RBFOX1: variants seen among roughly 807,000 people sequenced by gnomAD.
The protein encoded by RBFOX1 is RNA binding fox-1 homolog 1, also known as RNA binding protein fox-1 homolog 1.
RBFOX1 carries 8 observed loss-of-function variants against 57.7 expected under a neutral mutation model. That is an observed-to-expected ratio of 0.14 (90% CI 0.08 to 0.25). RBFOX1 has a LOEUF of 0.25. Among genes scored for constraint, RBFOX1 ranks in the 10% least tolerant of loss-of-function variants. The pLI is 1.00. For synonymous variants in RBFOX1, 326 were observed against 222.4 expected, an observed-to-expected ratio of 1.47 and a Z score of -4.15; for missense variants, 611 against 548.5, an observed-to-expected ratio of 1.11 and a Z score of -1.14.
intron 4 of RBFOX1, among the ~76,000 whole-genome samples, chr16:7,159,588 T>C (rs1247286940): frequency 6.6e-6 from 1 of 152,134 alleles, no homozygotes. Flanking sequence ...TTTTCAGTGA[T>C]CTCTCTACTC....
intron 2 of RBFOX1, among the ~76,000 whole-genome samples, chr16:6,460,856 A>C (rs1463446637): frequency 6.6e-6 from 1 of 152,030 alleles, no homozygotes; most frequent in Non-Finnish European, 1.5e-5. Context: ...AATCAACCTA[A>C]ATGCCCATCA....
intron 1 of RBFOX1, among the ~76,000 whole-genome samples, chr16:6,028,509 TAAAAAAAAAAA>T (rs36218292): frequency 8.6e-5 from 9 of 104,520 alleles, no homozygotes; most frequent in African/African-American, 3.1e-4. Context: ...CTGTCTCTGT[TAAAAAAAAAAA>T]AAAAAAAAAA....
At chr16:7,561,993 A>G (rs564029782) in intron 5 of RBFOX1, among the ~76,000 whole-genome samples, 2 of 152,310 alleles carry the variant, frequency 1.3e-5, no homozygotes, top group South Asian at 4.1e-4. Flanking sequence ...TAATTAAAGA[A>G]AACCAGGAGG....
chr16:6,725,097 C>G (rs2066889593), intron 3 of RBFOX1, among the ~76,000 whole-genome samples: 1 of 121,762 alleles, frequency 8.2e-6, no homozygotes, highest in Admixed American at 1.2e-4. Context: ...GTCGCCCTTG[C>G]TGGAGTGCAG....
intron 1 of RBFOX1, among the ~76,000 whole-genome samples, chr16:6,188,128 G>A (rs2097117625): frequency 6.6e-6 from 1 of 152,000 alleles, no homozygotes; most frequent in African/African-American, 2.4e-5. Context: ...TGTAAGTTTT[G>A]CATCCCATGA....
At chr16:7,454,308 C>T (rs746848020) in intron 4 of RBFOX1, among the ~76,000 whole-genome samples, 10 of 152,268 alleles carry the variant, frequency 6.6e-5, no homozygotes, top group Admixed American at 3.3e-4. Context: ...TGCCCAGGAT[C>T]GGTAGACAGA....
chr16:6,612,170 T>C (rs1001900105), intron 2 of RBFOX1, among the ~76,000 whole-genome samples: 1 of 152,162 alleles, frequency 6.6e-6, no homozygotes, highest in African/African-American at 2.4e-5. Context: ...TCTGTTTGTT[T>C]AATTATTTTG....
At chr16:6,924,496 C>G (rs2075153670) in intron 3 of RBFOX1, among the ~76,000 whole-genome samples, 1 of 151,976 alleles carries the variant, frequency 6.6e-6, no homozygotes, top group Non-Finnish European at 1.5e-5. Flanking sequence ...CCCCATAACT[C>G]AAATATTTCC....
intron 14 of RBFOX1, among the ~76,000 whole-genome samples, chr16:7,703,021 A>G (rs1364858491): frequency 6.6e-6 from 1 of 152,160 alleles, no homozygotes; most frequent in Non-Finnish European, 1.5e-5. Context: ...GAACTGCTAA[A>G]TCTCATTTGA....
At chr16:6,263,952 C>G (rs1455593161) in intron 1 of RBFOX1, among the ~76,000 whole-genome samples, 2 of 152,084 alleles carry the variant, frequency 1.3e-5, no homozygotes, top group African/African-American at 2.4e-5. Context: ...GTGAAGTGAG[C>G]CAAAGCTTTA....
chr16:5,474,146 C>T (rs2069235979), intron 2 of RBFOX1, among the ~76,000 whole-genome samples: 1 of 152,148 alleles, frequency 6.6e-6, no homozygotes, highest in Non-Finnish European at 1.5e-5. Flanking sequence ...ATTTCTTTGG[C>T]ATTACTCCAT....
chr16:6,504,027 C>G (rs548666792), intron 2 of RBFOX1, among the ~76,000 whole-genome samples: 1 of 152,232 alleles, frequency 6.6e-6, no homozygotes, highest in East Asian at 1.9e-4. Flanking sequence ...ACGTATGCAT[C>G]TTTCTTATCT....
chr16:6,253,026 A>G (rs1001604085), intron 1 of RBFOX1, among the ~76,000 whole-genome samples: 13 of 152,288 alleles, frequency 8.5e-5, no homozygotes, highest in Middle Eastern at 6.8e-3. Context: ...ACTTTTACAG[A>G]TAAGGGTGCT....
At chr16:7,504,594 G>C (rs1028916904) in intron 4 of RBFOX1, among the ~76,000 whole-genome samples, 7 of 148,712 alleles carry the variant, frequency 4.7e-5, no homozygotes, top group Non-Finnish European at 7.4e-5. Context: ...GAAAGACTTA[G>C]ATATGAGGTC....
rs777808229 is a variant in RBFOX1, at chr16:7,289,896, C to G, written c.28-228251C>G. On this transcript the variant is annotated intron_variant, in intron 4 of 15. Coordinates refer to ENST00000550418, the MANE Select transcript of RBFOX1 (RefSeq NM_018723.4). ...TATGCTGTAGTTCAAAGATTCAGAACCAGGAGGTCTGCCTCCCTAGTCCTT... is the reference window on the plus strand; with the variant it reads ...TATGCTGTAGTTCAAAGATTCAGAAGCAGGAGGTCTGCCTCCCTAGTCCTT... Among the ~76,000 whole-genome samples the G allele has an allele frequency of 3.9e-5, 6 of 152,166 alleles. 1 individual carries two copies. The South Asian group carries it at 8.3e-4, about 21-fold the overall frequency.
At position 6,981,042 on chromosome 16, in the gene RBFOX1, C is replaced by CAA. The variant is rs36117809; in HGVS notation, c.-15-70999_-15-70998dup. Among the ~76,000 whole-genome samples the CAA allele has an allele frequency of 1.7e-3, 134 of 77,428 alleles. 8 individuals are homozygous for CAA. Among genetic ancestry groups the CAA allele is most frequent in the African/African-American group, 6.4e-3 (81 of 12,684 alleles). The allele number at this position is 77,428 out of a possible 152,430, so 50.8% of individuals were successfully genotyped here. A position where few individuals can be genotyped will look rare whatever the true frequency, so the allele number is the denominator to read the frequency against. On this transcript the variant is annotated intron_variant, in intron 3 of 15. Coordinates refer to ENST00000550418, the MANE Select transcript of RBFOX1 (RefSeq NM_018723.4). Reference sequence around the variant, plus strand: ...TGGGTGGCAGAGCAAGTCTCAGTCTCAAAAAAAAAAAAAAAAACACTAAAA... The same window carrying CAA: ...TGGGTGGCAGAGCAAGTCTCAGTCTCAAAAAAAAAAAAAAAAAAACACTAAAA...
At chr16:5,783,958 T>C (rs2054410443) in intron 3 of RBFOX1, among the ~76,000 whole-genome samples, 1 of 152,206 alleles carries the variant, frequency 6.6e-6, no homozygotes, top group Non-Finnish European at 1.5e-5. Flanking sequence ...AGGAGGTAAG[T>C]ATATTCATCC....
At chr16:7,696,526 T>TGC (rs2078850933) in intron 14 of RBFOX1, among the ~76,000 whole-genome samples, 3 of 146,880 alleles carry the variant, frequency 2.0e-5, no homozygotes, top group African/African-American at 8.2e-5. Flanking sequence ...GCAAGTTACT[T>TGC]AATCAGTGAC....
chr16:5,313,774 T>C lies in RBFOX1; in HGVS notation c.219+73669T>C, dbSNP rs2064155825. Among the ~76,000 whole-genome samples, 4 of 152,176 alleles carry C rather than the reference T, an allele frequency of 2.6e-5. No individual in the cohort carries two copies. In the South Asian group the frequency reaches 8.3e-4, roughly 32 times the overall value. ...AGAAAGACTGGCCCCCATGATTCAG[T>C]TACCTCCCACTAGGTCCCTCCCACA... On this transcript the variant is annotated intron_variant, in intron 1 of 2. Coordinates refer to the RBFOX1 transcript ENST00000585867.
Sources: allele counts gnomAD v4.1 joint callset (sites outside exome capture counted in the v4.1 genomes callset), GRCh38; gene constraint gnomAD v4.1.1; transcripts MANE v1.5; gene names NCBI Gene and HGNC (gene_info 2026-07-23, HGNC 2026-07-21).